ZNF182: variants seen among roughly 807,000 people sequenced by gnomAD.
ZNF182 encodes zinc finger protein 182.
In ZNF182, 10 loss-of-function variants were observed where a neutral mutation model predicts 28.1. The observed-to-expected ratio is 0.36, with a 90% CI of 0.22 to 0.60. The LOEUF is 0.60. Ranked by LOEUF, ZNF182 falls within the 20% of genes least tolerant of loss-of-function variation. The pLI is 0.75. For synonymous variants in ZNF182, 156 were observed against 158.7 expected (o/e 0.98, Z 0.13); for missense variants, 352 against 453.2 (o/e 0.78, Z 2.03).
Position 47,976,297 on chromosome X carries a change from G to A in ZNF182, c.1733C>T (p.Pro578Leu). The A allele has an allele frequency of 8.3e-7, 1 of 1,206,880 alleles. No individual in the cohort carries two copies. The highest frequency in any genetic ancestry group is 1.1e-6 in the Non-Finnish European group (1 of 893,765). ...VHQRTHTGEK[P>L]YKCTECGKAF... ...TTTCCCACATTCTGTACATTTATAG[G>A]GTTTCTCTCCAGTATGAGTTCTTTG... is the stretch of plus-strand genomic sequence containing the variant. Residue 578 changes from proline to leucine, a missense_variant, in exon 6 of 6, where the codon CCC becomes CTC. Physicochemically the swap from Pro to Leu is moderately conservative, Grantham distance 98 (BLOSUM62 -3). Coordinates refer to ENST00000376943, the MANE Select transcript of ZNF182 (RefSeq NM_001007088.2).
chrX:47,993,451 G>GGTAGCCTGGGC (rs1487075711), intron 3 of ZNF182, among the ~76,000 whole-genome samples: 1 of 112,082 alleles, frequency 8.9e-6, no homozygotes, highest in Admixed American at 9.5e-5. Flanking sequence ...CAGAAACACA[G>GGTAGCCTGGGC]GTAGCCTGGG....
At chrX:47,992,195 C>A (rs2058944219) in intron 3 of ZNF182, among the ~76,000 whole-genome samples, 1 of 112,114 alleles carries the variant, frequency 8.9e-6, no homozygotes, top group Non-Finnish European at 1.9e-5. Context: ...AGGCACCCAG[C>A]CAAGGAAGCA....
chrX:48,001,383 A>T (rs782176318), intron 3 of ZNF182, among the ~76,000 whole-genome samples: 58 of 112,545 alleles, frequency 5.2e-4, no homozygotes, highest in Middle Eastern at 4.6e-3. Flanking sequence ...GACACACACA[A>T]CTTTGATGAA....
At chrX:47,983,488 T>A in intron 3 of ZNF182, 77 bp from the exon 4 acceptor site, 2 of 1,058,752 alleles carry the variant, frequency 1.9e-6, no homozygotes, top group Non-Finnish European at 2.5e-6. Flanking sequence ...AACTTCTGAT[T>A]GGGTTCCTGG....
At chrX:47,991,273 C>T (rs782100699) in intron 3 of ZNF182, among the ~76,000 whole-genome samples, 52 of 111,424 alleles carry the variant, frequency 4.7e-4, no homozygotes, top group South Asian at 1.1e-3. Flanking sequence ...AGAAGACAGC[C>T]CTCAGCAAGC....
intron 3 of ZNF182, among the ~76,000 whole-genome samples, chrX:47,994,712 C>T (rs1364888350): frequency 9.0e-6 from 1 of 111,435 alleles, no homozygotes; most frequent in African/African-American, 3.3e-5. Context: ...GATCTCTGCG[C>T]ACTGCAACCT....
chrX:47,988,942 T>G (rs1204917161), intron 3 of ZNF182, among the ~76,000 whole-genome samples: 1 of 112,186 alleles, frequency 8.9e-6, no homozygotes, highest in Non-Finnish European at 1.9e-5. Context: ...TCACAATAAC[T>G]GATTCAGGCA....
At chrX:47,985,822 A>G (rs2146463511) in intron 3 of ZNF182, among the ~76,000 whole-genome samples, 1 of 110,976 alleles carries the variant, frequency 9.0e-6, no homozygotes, top group Admixed American at 9.6e-5. Flanking sequence ...GAATGCTGCC[A>G]CCAGGAGACA....
At chrX:47,992,753 C>G (rs1325444045) in intron 3 of ZNF182, among the ~76,000 whole-genome samples, 2 of 111,506 alleles carry the variant, frequency 1.8e-5, no homozygotes, top group African/African-American at 6.5e-5. Context: ...GTTGCCTCCT[C>G]TGTGTCTCAC....
intron 3 of ZNF182, among the ~76,000 whole-genome samples, chrX:47,997,979 A>G (rs1339226409): frequency 9.0e-6 from 1 of 111,698 alleles, no homozygotes; most frequent in African/African-American, 3.3e-5. Flanking sequence ...TAGACAGAAA[A>G]TCAGCAAGAA....
At position 47,977,802 on chromosome X, in the gene ZNF182, AAAG is replaced by A; in HGVS notation, c.233-8_233-6del. 7 of 1,155,504 alleles carry A rather than the reference AAAG, an allele frequency of 6.1e-6. No homozygotes were observed. The highest frequency in any genetic ancestry group is 8.1e-6 in the Non-Finnish European group (7 of 866,611). Reference sequence around the variant, plus strand: ...GTTCATCAACTTGACAGACTTCTAGAAAGAAGTACAATAAACCACCTTTATGCT... The same window carrying A: ...GTTCATCAACTTGACAGACTTCTAGAAAGTACAATAAACCACCTTTATGCT... On this transcript the variant is annotated splice_region_variant and splice_polypyrimidine_tract_variant and intron_variant, in intron 5 of 5. Transcript: ENST00000376943.
In ZNF182 at chrX:48,003,951, G is replaced by T. The variant is rs782374035; in HGVS notation, c.-282C>A. 6 of 111,890 alleles carry T rather than the reference G, an allele frequency of 5.4e-5. No homozygotes were observed. Among genetic ancestry groups the T allele is most frequent in the African/African-American group, 1.9e-4 (6 of 30,783 alleles). The allele number at this position is 111,890 out of a possible 1,213,427, so 9.2% of individuals were successfully genotyped here. A position where few individuals can be genotyped will look rare whatever the true frequency, so the allele number is the denominator to read the frequency against. On this transcript the variant is annotated 5_prime_UTR_variant, in exon 1 of 6. Transcript: ENST00000376943. ...TTTTCTGCTCGCTGCTCAGGAGACC[G>T]TTACAAAGCCTGGCCCCAACAAGCA...
At position 47,985,043 on chromosome X, in the gene ZNF182, A is replaced by G. The variant is rs150371867; in HGVS notation, c.16-1632T>C. Among the ~76,000 whole-genome samples the G allele has an allele frequency of 5.8e-3, 648 of 112,191 alleles. 5 individuals are homozygous for G. The highest frequency in any genetic ancestry group is 0.02 in the African/African-American group (630 of 30,930). On this transcript the variant is annotated intron_variant, in intron 3 of 5. Transcript: ENST00000376943. ...TAAGCAGGAATGAATATGTATGTAT[A>G]TCTACCTTACAACCCTGCAATCCCA... is the stretch of plus-strand genomic sequence containing the variant.
At chrX:47,987,890 A>C (rs144587283) in intron 3 of ZNF182, among the ~76,000 whole-genome samples, 1,495 of 111,957 alleles carry the variant, frequency 0.013, 11 homozygotes, top group Non-Finnish European at 0.021. Context: ...TTAAAGATGA[A>C]GGCTGGAACA....
At chrX:48,002,474 C>G in intron 3 of ZNF182, 121 bp downstream of exon 3, 1 of 1,036,057 alleles carries the variant, frequency 9.7e-7, no homozygotes, top group Non-Finnish European at 1.3e-6. Context: ...TCTGTTGTCT[C>G]TTATTTTGCC....
intron 3 of ZNF182, among the ~76,000 whole-genome samples, chrX:48,000,977 A>G (rs782640935): frequency 1.9e-4 from 21 of 112,479 alleles, no homozygotes; most frequent in Non-Finnish European, 3.4e-4. Flanking sequence ...AACATCTTTA[A>G]CCATTAAGGA....
At chrX:47,993,237 C>T (rs1047426843) in intron 3 of ZNF182, among the ~76,000 whole-genome samples, 35 of 112,141 alleles carry the variant, frequency 3.1e-4, no homozygotes, top group African/African-American at 9.7e-4. Flanking sequence ...GTTGGGAGGG[C>T]GGCACACCCA....
intron 3 of ZNF182, among the ~76,000 whole-genome samples, chrX:47,997,767 G>A (rs1325907411): frequency 9.0e-6 from 1 of 111,121 alleles, no homozygotes; most frequent in African/African-American, 3.3e-5. Flanking sequence ...GCTCCAGCCT[G>A]GGTGACAGAG....
intron 5 of ZNF182, among the ~76,000 whole-genome samples, chrX:47,981,742 T>C (rs1209422899): frequency 9.1e-6 from 1 of 110,021 alleles, no homozygotes; most frequent in Non-Finnish European, 1.9e-5. Flanking sequence ...CTACTAAAAA[T>C]ACAAAAATGT....
Sources: allele counts gnomAD v4.1 joint callset (sites outside exome capture counted in the v4.1 genomes callset), GRCh38; gene constraint gnomAD v4.1.1; transcripts MANE v1.5; gene names NCBI Gene and HGNC (gene_info 2026-07-23, HGNC 2026-07-21).